The following PDXK variants were observed in gnomAD, a reference collection of about 807,000 sequenced individuals.
PDXK encodes the protein epididymis secretory sperm binding protein Li 1a.
PDXK carries 15 observed loss-of-function variants against 43.2 expected under a neutral mutation model. The ratio of observed to expected loss-of-function variants is 0.35; its 90% CI spans 0.23 to 0.53. PDXK has a LOEUF of 0.53. Ranked by LOEUF, PDXK falls within the 20% of genes least tolerant of loss-of-function variation. The pLI is 0.92. For missense variants in PDXK, 343 were observed against 417.0 expected, an observed-to-expected ratio of 0.82 and a Z score of 1.54; for synonymous variants, 172 against 165.4, an observed-to-expected ratio of 1.04 and a Z score of -0.31.
chr21:43,719,630 AG>A, intron 1 of PDXK: 2 of 985,354 alleles, frequency 2.0e-6, no homozygotes, highest in Non-Finnish European at 2.4e-6. Flanking sequence ...CGCGGGTAGG[AG>A]GGAGCCCTGT....
At chr21:43,749,962 C>A (rs575223475) in intron 6 of PDXK, among the ~76,000 whole-genome samples, 4 of 152,026 alleles carry the variant, frequency 2.6e-5, no homozygotes, top group Non-Finnish European at 5.9e-5. Context: ...GAGCTGCCCG[C>A]GGAGGGGGCT....
intron 4 of PDXK, chr21:43,744,629 G>T (rs1165567920): frequency 6.6e-6 from 1 of 152,258 alleles, no homozygotes; most frequent in African/African-American, 2.4e-5. Flanking sequence ...AAAATAGCAA[G>T]TGTGAGCGAG....
chr21:43,733,602 G>A, intron 1 of PDXK: 3 of 1,029,628 alleles, frequency 2.9e-6, no homozygotes, highest in South Asian at 3.5e-5. Context: ...CATGTGTGCT[G>A]CCCGCGGAGC....
rs973075204 is a variant in PDXK at position 43,754,617 on chromosome 21, C to T, written c.759+898C>T. 1.4e-4 allele frequency among the ~76,000 whole-genome samples: 21 copies of T among 152,136 alleles called. No homozygotes were observed. The highest frequency in any genetic ancestry group is 6.2e-4 in the South Asian group (3 of 4,826). On this transcript the variant is annotated intron_variant, in intron 9 of 10. Coordinates refer to ENST00000291565, the MANE Select transcript of PDXK (RefSeq NM_003681.5). This position sits in a 1 kb window ranked among gnomAD's most constrained non-coding sequence, Gnocchi z 5.5. ...AAACTCCCCTGGGTACTTCCCACTG[C>T]GTCCGCAGTGGGTTCAGGTGGGAGG...
At chr21:43,722,796 C>T (rs2083217517) in intron 1 of PDXK, among the ~76,000 whole-genome samples, 1 of 152,238 alleles carries the variant, frequency 6.6e-6, no homozygotes, top group African/African-American at 2.4e-5. Flanking sequence ...GATAATCTGG[C>T]ATGATCTCAT....
At chr21:43,721,175 C>T (rs2083203861) in intron 1 of PDXK, among the ~76,000 whole-genome samples, 1 of 152,184 alleles carries the variant, frequency 6.6e-6, no homozygotes, top group Admixed American at 6.5e-5. Flanking sequence ...GGCTGGAGAC[C>T]CAGCGAGCCT....
At chr21:43,742,971 A>G (rs961327003) in intron 3 of PDXK, among the ~76,000 whole-genome samples, 1 of 152,188 alleles carries the variant, frequency 6.6e-6, no homozygotes, top group African/African-American at 2.4e-5. Context: ...CATTCCTGTG[A>G]AGCACAGCGT....
At chr21:43,740,207 G>A (rs939474449) in intron 2 of PDXK, among the ~76,000 whole-genome samples, 2 of 152,070 alleles carry the variant, frequency 1.3e-5, no homozygotes, top group African/African-American at 2.4e-5. Flanking sequence ...ACGTCCTCCC[G>A]TGCGACGGCT....
chr21:43,732,332 G>T lies in PDXK; in HGVS notation c.88-1737G>T. The T allele has an allele frequency of 6.2e-7, 1 of 1,606,260 alleles. No individual in the cohort carries two copies. On this transcript the variant is annotated intron_variant, in intron 1 of 10. Coordinates refer to ENST00000291565, the MANE Select transcript of PDXK (RefSeq NM_003681.5). This position sits in a 1 kb window ranked among gnomAD's most constrained non-coding sequence, Gnocchi z 4.1. Reference sequence around the variant, plus strand: ...TGGACCTTGGCACCCCGCCCCCCGTGCATTGTCGTCTTCTGAGTCTGGCTT... The same window carrying T: ...TGGACCTTGGCACCCCGCCCCCCGTTCATTGTCGTCTTCTGAGTCTGGCTT...
In PDXK at chr21:43,723,697, T is replaced by G. The variant is rs1332705962; in HGVS notation, c.87+4316T>G. On this transcript the variant is annotated intron_variant, in intron 1 of 10. Coordinates refer to ENST00000291565, the MANE Select transcript of PDXK (RefSeq NM_003681.5). This position sits in a 1 kb window ranked among gnomAD's most constrained non-coding sequence, Gnocchi z 4.1. ...GTGCAGAGATTGTCCCAAGCACGTCTGAGGCCAGTAGCTGCCCTGTGGGGA... is the reference window on the plus strand; with the variant it reads ...GTGCAGAGATTGTCCCAAGCACGTCGGAGGCCAGTAGCTGCCCTGTGGGGA... 1.3e-5 allele frequency: 2 copies of G among 152,278 alleles called. No homozygotes were observed. The highest frequency in any genetic ancestry group is 2.9e-5 in the Non-Finnish European group (2 of 68,072). 9.4% of individuals were successfully genotyped at this position (152,278 alleles called of 1,614,324 possible). A position where few individuals can be genotyped will look rare whatever the true frequency, so the allele number is the denominator to read the frequency against.
rs906472000 is a variant in PDXK at position 43,719,227 on chromosome 21, C to A, written c.-68C>A. The stretch of plus-strand genomic sequence containing the variant: ...GCCGGAGCCCGAGCCCGAGCCGAGC[C>A]GGAGCCCGAGCGAGCGGCGGAGACC... On this transcript the variant is annotated 5_prime_UTR_variant, in exon 1 of 11. Coordinates refer to ENST00000291565, the MANE Select transcript of PDXK (RefSeq NM_003681.5). 6.4e-5 allele frequency: 59 copies of A among 924,768 alleles called. No homozygotes were observed. The highest frequency in any genetic ancestry group is 8.8e-5 in the African/African-American group (5 of 57,058). 57.3% of individuals were successfully genotyped at this position (924,768 alleles called of 1,614,324 possible).
At chr21:43,750,710 T>G (rs189386894) in intron 7 of PDXK, among the ~76,000 whole-genome samples, 165 bp downstream of exon 7, 97 of 152,292 alleles carry the variant, frequency 6.4e-4, no homozygotes, top group African/African-American at 2.3e-3. Context: ...TGTGTGTGTG[T>G]ACATGTGTGG....
At chr21:43,726,012 T>TTCTCTC (rs60147387) in intron 1 of PDXK, among the ~76,000 whole-genome samples, 95 of 147,842 alleles carry the variant, frequency 6.4e-4, no homozygotes, top group Middle Eastern at 3.4e-3. Context: ...CTAGCTGGGA[T>TTCTCTC]TCTCTCTCTC....
rs377089613 is a variant in PDXK, at chr21:43,737,957, T to G, written c.143-3710T>G. Reference sequence around the variant, plus strand: ...CAGTGGGCAGGAGGCCACCAAGAGGTGCAAGACCATGCCCTCTGTTTCGAT... The same window carrying G: ...CAGTGGGCAGGAGGCCACCAAGAGGGGCAAGACCATGCCCTCTGTTTCGAT... On this transcript the variant is annotated intron_variant, in intron 2 of 10. Transcript: ENST00000291565. This position sits in a 1 kb window ranked among gnomAD's most constrained non-coding sequence, Gnocchi z 4.8. 26 of 984,602 alleles carry G rather than the reference T, an allele frequency of 2.6e-5. No individual in the cohort carries two copies. The East Asian group carries it at 8.0e-4, about 30-fold the overall frequency. The allele number at this position is 984,602 out of a possible 1,614,324, so 61.0% of individuals were successfully genotyped here.
At chr21:43,746,280 C>T (rs2083637282) in intron 5 of PDXK, among the ~76,000 whole-genome samples, 155 bp downstream of exon 5, 1 of 152,076 alleles carries the variant, frequency 6.6e-6, no homozygotes, top group Non-Finnish European at 1.5e-5. Flanking sequence ...GAAAGGGAAC[C>T]GACATATTTT....
chr21:43,728,575 G>T (rs528209423), intron 1 of PDXK, among the ~76,000 whole-genome samples: 27 of 152,310 alleles, frequency 1.8e-4, no homozygotes, highest in African/African-American at 6.5e-4. Context: ...CAGCTGAGCC[G>T]CCGCGCTCAC....
intron 5 of PDXK, among the ~76,000 whole-genome samples, chr21:43,748,141 C>A (rs1320528005): frequency 2.0e-5 from 3 of 152,248 alleles, no homozygotes; most frequent in Non-Finnish European, 4.4e-5. Flanking sequence ...TTCCATGAAG[C>A]CCACAGAATT....
At position 43,751,635 on chromosome 21, in the gene PDXK, C is replaced by A. The variant is rs543483645; in HGVS notation, c.511-883C>A. 2.6e-5 allele frequency among the ~76,000 whole-genome samples: 4 copies of A among 152,348 alleles called. No homozygotes were observed. The South Asian group carries it at 8.3e-4, about 32-fold the overall frequency. ...GGGAAGTCCAAGGTCAAGGCACTGG[C>A]AGGCTCAGGGTCTGGCGGGGGCTAC... On this transcript the variant is annotated intron_variant, in intron 7 of 10. Coordinates refer to ENST00000291565, the MANE Select transcript of PDXK (RefSeq NM_003681.5).
rs2083367088 is a variant in PDXK, at chr21:43,734,199, G to A, written c.142+76G>A. 1 of 1,371,362 alleles carries A rather than the reference G, an allele frequency of 7.3e-7. No homozygotes were observed. Among genetic ancestry groups the A allele is most frequent in the Non-Finnish European group, 1.0e-6 (1 of 963,390 alleles). 84.9% of individuals were successfully genotyped at this position (1,371,362 alleles called of 1,614,324 possible). A position where few individuals can be genotyped will look rare whatever the true frequency, so the allele number is the denominator to read the frequency against. On this transcript the variant is annotated intron_variant, in intron 2 of 10. Coordinates refer to ENST00000291565, the MANE Select transcript of PDXK (RefSeq NM_003681.5). The surrounding 1 kb of genome is among the most constrained non-coding windows in gnomAD (Gnocchi z 5.0). ...GACGGGGCGGAGTGTGGGTGTGAGG[G>A]ACGGGGCGGAGTGTGGGTGTGAGGG... is the stretch of plus-strand genomic sequence containing the variant.
Sources: allele counts gnomAD v4.1 joint callset (sites outside exome capture counted in the v4.1 genomes callset), GRCh38; gene constraint gnomAD v4.1.1; non-coding constraint Gnocchi (gnomAD v3.1); transcripts MANE v1.5; gene names NCBI Gene and HGNC (gene_info 2026-07-23, HGNC 2026-07-21).